Variants in NAA25 observed in about 807,000 individuals in gnomAD.
NAA25 encodes the protein N-alpha-acetyltransferase 25, NatB auxiliary subunit.
NAA25 carries 30 observed loss-of-function variants against 132.5 expected under a neutral mutation model. The ratio of observed to expected loss-of-function variants is 0.23; its 90% CI spans 0.17 to 0.31. The LOEUF (loss-of-function observed/expected upper bound fraction) is 0.31. Among genes scored for constraint, NAA25 ranks in the 10% least tolerant of loss-of-function variants. The probability of loss-of-function intolerance (pLI) is 1.00; values close to 1 mark genes in which losing one functional copy is unlikely to be tolerated. For synonymous variants in NAA25, 359 were observed against 401.9 expected, an observed-to-expected ratio of 0.89 and a Z score of 1.28; for missense variants, 771 against 1,150.4, an observed-to-expected ratio of 0.67 and a Z score of 4.77.
At chr12:112,098,523 CT>C (rs1374293013) in intron 1 of NAA25, among the ~76,000 whole-genome samples, 3 of 152,232 alleles carry the variant, frequency 2.0e-5, no homozygotes, top group South Asian at 2.1e-4. Flanking sequence ...AATCTGTCTT[CT>C]TAGTAAGTCT....
chr12:112,107,037 G>A (rs1306528322), intron 1 of NAA25, among the ~76,000 whole-genome samples: 1 of 151,420 alleles, frequency 6.6e-6, no homozygotes, highest in Non-Finnish European at 1.5e-5. Flanking sequence ...CACTTTGGGA[G>A]GCTGAGTAGG....
intron 20 of NAA25, among the ~76,000 whole-genome samples, chr12:112,041,227 G>A (rs2078297465): frequency 6.7e-6 from 1 of 148,980 alleles, no homozygotes; most frequent in Admixed American, 6.7e-5. Context: ...TCGCTCTGTC[G>A]CCCAGGCTGA....
intron 12 of NAA25, 77 bp from the exon 13 acceptor site, chr12:112,060,436 G>A (rs1407120769): frequency 1.1e-6 from 1 of 918,072 alleles, no homozygotes; most frequent in Non-Finnish European, 1.7e-6. Flanking sequence ...TTAAAAGCAG[G>A]AAAGTGACAG....
chr12:112,029,746 T>C (rs1593735444), intron 23 of NAA25, 93 bp from the exon 24 acceptor site: 2 of 1,517,782 alleles, frequency 1.3e-6, no homozygotes, highest in East Asian at 2.3e-5. Flanking sequence ...GCCATTACCT[T>C]TGGTCTCATT....
At chr12:112,081,203 C>G in intron 4 of NAA25, 69 bp from the exon 5 acceptor site, 1 of 1,315,630 alleles carries the variant, frequency 7.6e-7, no homozygotes, top group Non-Finnish European at 1.1e-6. Flanking sequence ...TCTAGATACA[C>G]GACAAAAAGT....
intron 9 of NAA25, among the ~76,000 whole-genome samples, chr12:112,072,738 A>C (rs1387929758): frequency 6.6e-6 from 1 of 152,060 alleles, no homozygotes; most frequent in African/African-American, 2.4e-5. Context: ...CATGAGTTTG[A>C]GACCAGCCTA....
At chr12:112,078,566 T>C (rs1054046087) in intron 6 of NAA25, 68 bp downstream of exon 6, 1 of 1,339,346 alleles carries the variant, frequency 7.5e-7, no homozygotes, top group Non-Finnish European at 1.1e-6. Flanking sequence ...CAGTTCATAG[T>C]ATTATAACAT....
intron 10 of NAA25, 69 bp downstream of exon 10, chr12:112,071,826 C>CGGTTGTTGCCTT: frequency 8.0e-7 from 1 of 1,247,880 alleles, no homozygotes; most frequent in Non-Finnish European, 1.1e-6. Context: ...GTGTAGATCT[C>CGGTTGTTGCCTT]AACTAATGAA....
chr12:112,036,880 T>C (rs1194478537), intron 22 of NAA25, among the ~76,000 whole-genome samples: 1 of 150,092 alleles, frequency 6.7e-6, no homozygotes, highest in East Asian at 1.9e-4. Flanking sequence ...TGTGTGCGTG[T>C]GTGTGTGTGT....
At chr12:112,053,770 A>G (rs572675323) in intron 14 of NAA25, 113 bp from the exon 15 acceptor site, 1 of 605,082 alleles carries the variant, frequency 1.7e-6, no homozygotes, top group East Asian at 2.8e-5. Flanking sequence ...AGGCATAAGA[A>G]AACACTAAAA....
intron 23 of NAA25, among the ~76,000 whole-genome samples, chr12:112,032,360 C>T (rs1593738609): frequency 6.6e-6 from 1 of 152,256 alleles, no homozygotes. Flanking sequence ...CGTTTTTAAG[C>T]TTTACAAAAG....
At chr12:112,032,073 C>G (rs1375597239) in intron 23 of NAA25, among the ~76,000 whole-genome samples, 1 of 152,002 alleles carries the variant, frequency 6.6e-6, no homozygotes, top group Non-Finnish European at 1.5e-5. Flanking sequence ...ACAACATTCC[C>G]CTGCCTCAGC....
chr12:112,070,413 T>A (rs77979552), intron 10 of NAA25, among the ~76,000 whole-genome samples: 3,208 of 152,302 alleles, frequency 0.021, 45 homozygotes, highest in Non-Finnish European at 0.028. Context: ...AGTTATAAAT[T>A]GCTAATTCCA....
intron 1 of NAA25, among the ~76,000 whole-genome samples, chr12:112,094,327 C>A (rs578189547): frequency 1.1e-3 from 173 of 151,680 alleles, no homozygotes; most frequent in Non-Finnish European, 1.9e-3. Context: ...ACTATGTAGT[C>A]CTTAGTGAAG....
At chr12:112,092,903 C>T (rs368376080) in intron 2 of NAA25, 148 bp downstream of exon 2, 24 of 482,666 alleles carry the variant, frequency 5.0e-5, no homozygotes, top group African/African-American at 4.5e-4. Context: ...GTCTCAAACT[C>T]CTGACATCGT....
intron 19 of NAA25, 52 bp from the exon 20 acceptor site, chr12:112,042,156 A>G (rs2078309125): frequency 1.1e-6 from 1 of 951,074 alleles, no homozygotes; most frequent in East Asian, 3.1e-5. Context: ...TTTTAGTAAG[A>G]TAAAGAAGCA....
intron 21 of NAA25, 118 bp downstream of exon 21, chr12:112,040,363 C>A: frequency 3.6e-6 from 2 of 552,502 alleles, no homozygotes; most frequent in Non-Finnish European, 6.4e-6. Context: ...TTAACAAAAA[C>A]AGGGATGGAG....
Position 112,034,995 on chromosome 12 carries a change from A to G in NAA25, c.2650-1616T>C, listed in dbSNP as rs188517805. The G allele has an allele frequency of 9.9e-5, 15 of 152,274 alleles. No homozygotes were observed. In the East Asian group the frequency reaches 2.7e-3, roughly 27 times the overall value. 9.4% of individuals were successfully genotyped at this position (152,274 alleles called of 1,614,324 possible). A position where few individuals can be genotyped will look rare whatever the true frequency, so the allele number is the denominator to read the frequency against. On this transcript the variant is annotated intron_variant, in intron 22 of 23. Coordinates refer to ENST00000261745, the MANE Select transcript of NAA25 (RefSeq NM_024953.4). ...CCATTAAAAGTAATGAGATATATCT[A>G]TATTTACTGACATGAAAAAATGTCC...
At chr12:112,074,492 A>G (rs2078866695) in intron 9 of NAA25, among the ~76,000 whole-genome samples, 183 bp downstream of exon 9, 1 of 152,160 alleles carries the variant, frequency 6.6e-6, no homozygotes, top group African/African-American at 2.4e-5. Context: ...ATATTTTGGC[A>G]CTAACATGAT....
Sources: gnomAD v4.1 joint callset for allele counts (sites outside exome capture counted in the v4.1 genomes callset) on GRCh38, gnomAD v4.1.1 for gene constraint, MANE v1.5 for transcripts, NCBI Gene and HGNC (gene_info 2026-07-23, HGNC 2026-07-21) for gene names.